Variants in PPP1R16A observed in about 807,000 individuals in gnomAD.
PPP1R16A encodes the protein myosin phosphatase-targeting subunit 3.
Under a neutral mutation model 46.6 loss-of-function variants are expected in PPP1R16A, and 39 were observed. The observed-to-expected ratio is 0.84, with a 90% confidence interval of 0.65 to 1.09. The LOEUF is 1.09. Among genes scored for constraint, PPP1R16A ranks in the 50% least tolerant of loss-of-function variants. The probability of loss-of-function intolerance (pLI) is 0.00; values close to 1 mark genes in which losing one functional copy is unlikely to be tolerated. For synonymous variants in PPP1R16A, 413 were observed against 321.5 expected (o/e 1.28, Z -3.04); for missense variants, 798 against 735.6 (o/e 1.08, Z -0.98).
rs1050987983 is a variant in PPP1R16A at position 144,501,943 on chromosome 8, G to A, written c.*40G>A. ...ATGCAGGGGCCCTGTCGCGGGCACA[G>A]CCCAAGGCTGCCTCCCCACGGTGCG... is the stretch of plus-strand genomic sequence containing the variant. On this transcript the variant is annotated 3_prime_UTR_variant, in exon 12 of 12. Transcript: ENST00000435887. The A allele has an allele frequency of 3.7e-5, 54 of 1,466,558 alleles. No homozygotes were observed. Among genetic ancestry groups the A allele is most frequent in the Non-Finnish European group, 4.4e-5 (49 of 1,111,598 alleles). The allele number at this position is 1,466,558 out of a possible 1,614,324, so 90.8% of individuals were successfully genotyped here.
At chr8:144,499,968 C>A in intron 5 of PPP1R16A, 128 bp from the exon 6 acceptor site, 1 of 878,114 alleles carries the variant, frequency 1.1e-6, no homozygotes, top group Non-Finnish European at 1.7e-6. Flanking sequence ...CTCCCAGCAG[C>A]AGGTGGACAG....
rs1411728351 is a variant in PPP1R16A, at chr8:144,493,532, A to C, written c.-734-2929A>C. ...CAAAGCTTCCACTAGAAGTTCTGCT[A>C]GGGCAGCCAAGGTTCAGGTAGGAGG... is the stretch of plus-strand genomic sequence containing the variant. On this transcript the variant is annotated intron_variant, in intron 2 of 11. Coordinates refer to ENST00000435887, the MANE Select transcript of PPP1R16A (RefSeq NM_001329443.2). The surrounding 1 kb of genome is among the most constrained non-coding windows in gnomAD (Gnocchi z 4.3). 1.3e-5 allele frequency among the ~76,000 whole-genome samples: 2 copies of C among 152,150 alleles called. No individual in the cohort carries two copies. The highest frequency in any genetic ancestry group is 2.9e-5 in the Non-Finnish European group (2 of 68,004).
chr8:144,501,634 G>A lies in PPP1R16A; in HGVS notation c.1318G>A (p.Asp440Asn). 5.6e-6 allele frequency: 9 copies of A among 1,611,128 alleles called. No individual in the cohort carries two copies. The highest frequency in any genetic ancestry group is 6.8e-6 in the Non-Finnish European group (8 of 1,179,118). ...RSVSYQLSPL[D>N]STTPHTLVHD... ...TGTCTCCTACCAGCTGAGCCCCCTGGACAGCACCACCCCCCACACCCTGGT... is the reference window on the plus strand; with the variant it reads ...TGTCTCCTACCAGCTGAGCCCCCTGAACAGCACCACCCCCCACACCCTGGT... Residue 440 changes from aspartate (D) to asparagine (N), a missense_variant, in exon 12 of 12, where the codon GAC becomes AAC. Physicochemically the swap from Asp to Asn is conservative, Grantham distance 23. Coordinates refer to ENST00000435887, the MANE Select transcript of PPP1R16A (RefSeq NM_001329443.2).
chr8:144,480,490 CTT>C (rs751435629), intron 1 of PPP1R16A, among the ~76,000 whole-genome samples: 21 of 143,422 alleles, frequency 1.5e-4, no homozygotes, highest in Admixed American at 1.4e-4. Flanking sequence ...ATTTTTATAT[CTT>C]TTTTTTTTTT....
In PPP1R16A at chr8:144,500,252, C is replaced by G; in HGVS notation, c.581-15C>G. Reference sequence around the variant, plus strand: ...GGCTGCCGGTCGCGCTCCCTCTGAGCCTGCCGCCTCGCAGGCATCACCCAG... The same window carrying G: ...GGCTGCCGGTCGCGCTCCCTCTGAGGCTGCCGCCTCGCAGGCATCACCCAG... On this transcript the variant is annotated splice_polypyrimidine_tract_variant and intron_variant, in intron 6 of 11. Coordinates refer to ENST00000435887, the MANE Select transcript of PPP1R16A (RefSeq NM_001329443.2). The G allele has an allele frequency of 1.3e-6, 2 of 1,565,010 alleles. No individual in the cohort carries two copies. The highest frequency in any genetic ancestry group is 1.7e-6 in the Non-Finnish European group (2 of 1,156,206).
Position 144,500,579 on chromosome 8 carries a change from G to A in PPP1R16A, c.798G>A (p.Trp266Ter), listed in dbSNP as rs866181117. 1.9e-6 allele frequency: 3 copies of A among 1,598,946 alleles called. No individual in the cohort carries two copies. The highest frequency in any genetic ancestry group is 2.5e-6 in the Non-Finnish European group (3 of 1,179,128). ...TGAGCGCTAAGGACCAAGACGGCTG[G>A]GAGCCGCTGCACGCCGCGGCCTACT... Reference protein sequence around the residue: ...ASLSAKDQDGWEPLHAAAYWG... With the variant: ...ASLSAKDQDG Residue 266 changes from tryptophan to a stop codon, truncating the protein, a stop_gained, in exon 8 of 12, where the codon TGG becomes TGA. Transcript: ENST00000435887. LOFTEE classifies it high-confidence loss of function.
chr8:144,482,945 T>C, intron 1 of PPP1R16A, among the ~76,000 whole-genome samples: 1 of 145,458 alleles, frequency 6.9e-6, no homozygotes, highest in African/African-American at 2.6e-5. Flanking sequence ...CGCGCCCGGC[T>C]TATTTTTTTG....
At chr8:144,497,772 C>T (rs913688027) in intron 3 of PPP1R16A, 7 of 481,750 alleles carry the variant, frequency 1.5e-5, no homozygotes, top group Non-Finnish European at 2.7e-5. Context: ...TAGTGCGGGG[C>T]CCCACGGGAG....
At chr8:144,494,415 G>T (rs2130400300) in intron 2 of PPP1R16A, among the ~76,000 whole-genome samples, 1 of 152,058 alleles carries the variant, frequency 6.6e-6, no homozygotes, top group African/African-American at 2.4e-5. Context: ...CGGGCTCAAG[G>T]GATCCTCCCA....
At chr8:144,484,666 TCCC>T in intron 1 of PPP1R16A, among the ~76,000 whole-genome samples, 1 of 152,322 alleles carries the variant, frequency 6.6e-6, no homozygotes, top group Non-Finnish European at 1.5e-5. Context: ...ATGCAACGCT[TCCC>T]CTGGTTTCTG....
chr8:144,500,169 G>C lies in PPP1R16A; in HGVS notation c.550G>C (p.Asp184His), dbSNP rs748964695. 5.0e-6 allele frequency: 8 copies of C among 1,611,540 alleles called. No individual in the cohort carries two copies. The highest frequency in any genetic ancestry group is 6.8e-6 in the Non-Finnish European group (8 of 1,179,040). Residue 184 changes from aspartate (D) to histidine (H), a missense_variant, in exon 6 of 12, where the codon GAC becomes CAC. Coordinates refer to ENST00000435887, the MANE Select transcript of PPP1R16A (RefSeq NM_001329443.2). ...YDLCDDEQTL[D>H]CLETAMADRG... ...CCTGTGTGATGATGAGCAGACGCTG[G>C]ACTGCCTGGAGACTGCCATGGCCGA...
At chr8:144,491,333 G>A (rs890575615) in intron 2 of PPP1R16A, among the ~76,000 whole-genome samples, 1 of 152,106 alleles carries the variant, frequency 6.6e-6, no homozygotes. Context: ...ATCAAATCTG[G>A]TCGGGTGTGG....
At chr8:144,484,775 T>C (rs896812593) in intron 1 of PPP1R16A, among the ~76,000 whole-genome samples, 1 of 152,242 alleles carries the variant, frequency 6.6e-6, no homozygotes, top group African/African-American at 2.4e-5. Context: ...GCGTATCTCC[T>C]GTCCCGGGCT....
At chr8:144,500,243 C>T in intron 6 of PPP1R16A, 24 bp from the exon 7 acceptor site, 3 of 1,572,920 alleles carry the variant, frequency 1.9e-6, no homozygotes, top group Non-Finnish European at 2.6e-6. Context: ...CGGTCGCGCT[C>T]CCTCTGAGCC....
rs925002714 is a variant in PPP1R16A, at chr8:144,493,145, T to C, written c.-735+2933T>C. 2.6e-5 allele frequency among the ~76,000 whole-genome samples: 4 copies of C among 152,006 alleles called. No homozygotes were observed. Among genetic ancestry groups the C allele is most frequent in the Non-Finnish European group, 5.9e-5 (4 of 67,938 alleles). On this transcript the variant is annotated intron_variant, in intron 2 of 11. Coordinates refer to ENST00000435887, the MANE Select transcript of PPP1R16A (RefSeq NM_001329443.2). The surrounding 1 kb of genome is among the most constrained non-coding windows in gnomAD (Gnocchi z 4.3). ...TGAATCCACATGGCCCAGCGGTATG[T>C]AGGCAGTGAGGGGACGGTGGGTGGG...
At position 144,497,265 on chromosome 8, in the gene PPP1R16A, A is replaced by T; in HGVS notation, c.71A>T (p.Lys24Met). The change falls in exon 3 of 12, where the codon AAG becomes ATG. Residue 24 changes from lysine (K) to methionine (M), a missense_variant. Lys to Met is a moderately conservative substitution (Grantham distance 95). Coordinates refer to ENST00000435887, the MANE Select transcript of PPP1R16A (RefSeq NM_001329443.2). ...VGRMSTQERL[K>M]HAQKRRAQQV... ...AGGATGAGCACACAGGAGCGGCTGA[A>T]GCATGCCCAGAAGCGGCGCGCCCAG... is the stretch of plus-strand genomic sequence containing the variant. 3 of 1,610,070 alleles carry T rather than the reference A, an allele frequency of 1.9e-6. No homozygotes were observed. In the Middle Eastern group the frequency reaches 5.1e-4, roughly 275 times the overall value.
At position 144,501,069 on chromosome 8, in the gene PPP1R16A, G is replaced by T. The variant is rs561106229; in HGVS notation, c.1038-60G>T. The stretch of plus-strand genomic sequence containing the variant: ...CGAACTGGGGGCAGAGTCCGAGGGG[G>T]TGGGCGGGGTCCTCCGGGCACTCCC... On this transcript the variant is annotated intron_variant, in intron 10 of 11. Coordinates refer to ENST00000435887, the MANE Select transcript of PPP1R16A (RefSeq NM_001329443.2). 2.6e-6 allele frequency: 4 copies of T among 1,566,650 alleles called. No homozygotes were observed. The Admixed American group carries it at 7.2e-5, about 28-fold the overall frequency.
At chr8:144,484,733 T>C (rs77187405) in intron 1 of PPP1R16A, among the ~76,000 whole-genome samples, 1 of 152,196 alleles carries the variant, frequency 6.6e-6, no homozygotes, top group Non-Finnish European at 1.5e-5. Flanking sequence ...TGAGAGCTCA[T>C]GGTTAGCGGG....
chr8:144,478,170 G>A (rs1017138748), intron 1 of PPP1R16A, 43 bp downstream of exon 1: 13 of 394,090 alleles, frequency 3.3e-5, no homozygotes, highest in Non-Finnish European at 5.8e-5. Flanking sequence ...AGCGGAGCGA[G>A]GGAGAGGGGC....
Sources: gnomAD v4.1 joint callset for allele counts (sites outside exome capture counted in the v4.1 genomes callset) on GRCh38, gnomAD v4.1.1 for gene constraint, Gnocchi (gnomAD v3.1) non-coding constraint, MANE v1.5 for transcripts, NCBI Gene and HGNC (gene_info 2026-07-23, HGNC 2026-07-21) for gene names.